The following SEPTIN2 variants were observed in gnomAD, a reference collection of about 807,000 sequenced individuals.
SEPTIN2 encodes septin-2.
Under a neutral mutation model 46.5 loss-of-function variants are expected in SEPTIN2, and 34 were observed. The observed-to-expected ratio is 0.73, with a 90% CI of 0.56 to 0.97. SEPTIN2 has a LOEUF of 0.97. Among genes scored for constraint, SEPTIN2 ranks in the 50% least tolerant of loss-of-function variants. The pLI, the probability that SEPTIN2 is intolerant of heterozygous loss-of-function variation, is 0.00. For missense variants in SEPTIN2, 347 were observed against 448.4 expected (o/e 0.77, Z 2.04); for synonymous variants, 175 against 153.4 (o/e 1.14, Z -1.04).
intron 1 of SEPTIN2, chr2:241,316,952 T>C (rs2076410087): frequency 6.2e-6 from 1 of 162,078 alleles, no homozygotes; most frequent in Non-Finnish European, 1.3e-5. Flanking sequence ...CCAGATGGTA[T>C]TTGTCCAGTG....
intron 3 of SEPTIN2, among the ~76,000 whole-genome samples, chr2:241,332,952 G>A (rs140007623): frequency 1.1e-3 from 160 of 152,344 alleles, no homozygotes; most frequent in African/African-American, 3.6e-3. Context: ...GTGTTTGCCT[G>A]CGGTGGGGAC....
At chr2:241,327,080 C>G (rs942963998) in intron 3 of SEPTIN2, among the ~76,000 whole-genome samples, 2 of 121,360 alleles carry the variant, frequency 1.6e-5, no homozygotes, top group Non-Finnish European at 3.4e-5. Context: ...AAAAAAAAAT[C>G]CAGGCATTTA....
intron 3 of SEPTIN2, among the ~76,000 whole-genome samples, chr2:241,331,094 G>A (rs1008133232): frequency 1.6e-4 from 24 of 152,128 alleles, no homozygotes; most frequent in African/African-American, 4.8e-4. Flanking sequence ...CGGGAGAATC[G>A]CTTGAATCTG....
rs773209423 is a variant in SEPTIN2 at position 241,335,164 on chromosome 2, C to T, written c.169C>T (p.Leu57=). 1.2e-6 allele frequency: 2 copies of T among 1,613,830 alleles called. No homozygotes were observed. The highest frequency in any genetic ancestry group is 1.7e-6 in the Non-Finnish European group (2 of 1,179,826). Residue 57 remains leucine (L), a synonymous_variant, in exon 4 of 13, where the codon CTA becomes TTA. Coordinates refer to ENST00000391971, the MANE Select transcript of SEPTIN2 (RefSeq NM_004404.5). The part of the protein sequence containing the change: ...GLGKSTLINS[L]FLTDLYPERV... ...AGGAAAATCGACTCTCATAAACAGC[C>T]TATTCCTAACTGATCTGTACCCAGA... is the stretch of plus-strand genomic sequence containing the variant.
chr2:241,341,435 C>T (rs1339748085), intron 7 of SEPTIN2, among the ~76,000 whole-genome samples: 1 of 152,154 alleles, frequency 6.6e-6, no homozygotes, highest in Non-Finnish European at 1.5e-5. Context: ...AAAGTGTAAG[C>T]TCCATCTTTA....
At position 241,319,737 on chromosome 2, in the gene SEPTIN2, G is replaced by A. The variant is rs551696177; in HGVS notation, c.-18+3755G>A. 2.6e-4 allele frequency among the ~76,000 whole-genome samples: 40 copies of A among 152,174 alleles called. 1 individual carries two copies. Among genetic ancestry groups the A allele is most frequent in the Admixed American group, 2.6e-3 (40 of 15,274 alleles). ...CTCCCACTTAGCTGGGATTACGGGT[G>A]CCCGCCACCACACCCAGCTAATTTT... On this transcript the variant is annotated intron_variant, in intron 1 of 12. Transcript: ENST00000391971.
chr2:241,320,895 T>G (rs1017664733), intron 1 of SEPTIN2, among the ~76,000 whole-genome samples: 1 of 152,216 alleles, frequency 6.6e-6, no homozygotes, highest in Non-Finnish European at 1.5e-5. Context: ...CTCCTAAGTT[T>G]TGCTTTTATC....
intron 1 of SEPTIN2, among the ~76,000 whole-genome samples, chr2:241,317,252 G>T (rs2076476799): frequency 6.6e-6 from 1 of 152,164 alleles, no homozygotes; most frequent in Non-Finnish European, 1.5e-5. Flanking sequence ...GATGTGTACT[G>T]TTATGTATAA....
In SEPTIN2 at chr2:241,337,406, T is replaced by C. The variant is rs1187133830; in HGVS notation, c.366T>C (p.Ile122=). The part of the protein sequence containing the change: ...RDCFKTIISY[I]DEQFERYLHD... ...GTTTTAAGACAATTATCTCCTATATTGATGAGCAATTTGAGAGGTACCTGC... is the reference window on the plus strand; with the variant it reads ...GTTTTAAGACAATTATCTCCTATATCGATGAGCAATTTGAGAGGTACCTGC... Residue 122 remains isoleucine, a synonymous_variant, in exon 6 of 13, where the codon ATT becomes ATC. Transcript: ENST00000391971. 1.9e-6 allele frequency: 3 copies of C among 1,614,016 alleles called. No individual in the cohort carries two copies. The highest frequency in any genetic ancestry group is 2.2e-5 in the East Asian group (1 of 44,884).
chr2:241,344,831 C>G (rs966766791), intron 9 of SEPTIN2, among the ~76,000 whole-genome samples: 1 of 151,894 alleles, frequency 6.6e-6, no homozygotes, highest in Non-Finnish European at 1.5e-5. Flanking sequence ...TTTGGGAGGC[C>G]CAGGCGGGCG....
intron 7 of SEPTIN2, among the ~76,000 whole-genome samples, chr2:241,338,418 C>T (rs73002111): frequency 0.11 from 16,662 of 150,736 alleles, 1,180 homozygotes; most frequent in Non-Finnish European, 0.15. Flanking sequence ...CTGAACATAC[C>T]GGTACGTGCA....
chr2:241,321,203 C>A (rs1057181603), intron 1 of SEPTIN2, among the ~76,000 whole-genome samples: 1 of 152,154 alleles, frequency 6.6e-6, no homozygotes, highest in Non-Finnish European at 1.5e-5. Context: ...TCTGTCCTTG[C>A]ACATACTGTG....
intron 3 of SEPTIN2, among the ~76,000 whole-genome samples, chr2:241,329,899 A>G (rs2078700691): frequency 6.6e-6 from 1 of 152,386 alleles, no homozygotes; most frequent in Middle Eastern, 3.4e-3. Flanking sequence ...TGCTTGGACC[A>G]GCATAAGCAT....
upstream of SEPTIN2, chr2:241,315,865 CA>C (rs2076083356): frequency 7.0e-6 from 1 of 142,750 alleles, no homozygotes; most frequent in Non-Finnish European, 1.5e-5. Flanking sequence ...CGCGGTGACG[CA>C]ATCCGCCTGC....
chr2:241,345,910 T>C (rs965395722), intron 9 of SEPTIN2, among the ~76,000 whole-genome samples: 1 of 152,218 alleles, frequency 6.6e-6, no homozygotes, highest in African/African-American at 2.4e-5. Flanking sequence ...GCAGTGCCTC[T>C]AGCAGAAATC....
intron 5 of SEPTIN2, 24 bp downstream of exon 5, chr2:241,336,122 T>C (rs1417512910): frequency 6.2e-7 from 1 of 1,610,466 alleles, no homozygotes; most frequent in Non-Finnish European, 8.5e-7. Flanking sequence ...TGCCCAGGGA[T>C]CTGCATTTGT....
At chr2:241,335,077 T>G in intron 3 of SEPTIN2, 49 bp from the exon 4 acceptor site, 1 of 1,287,992 alleles carries the variant, frequency 7.8e-7, no homozygotes, top group Non-Finnish European at 1.1e-6. Context: ...ACCGATTGAA[T>G]GGTGTCATAT....
chr2:241,333,538 C>T (rs1164881936), intron 3 of SEPTIN2, among the ~76,000 whole-genome samples: 5 of 152,202 alleles, frequency 3.3e-5, no homozygotes, highest in Non-Finnish European at 7.3e-5. Flanking sequence ...GAGATGGAGT[C>T]TCGCTCAGTC....
At chr2:241,338,861 A>AT (rs1346129350) in intron 7 of SEPTIN2, among the ~76,000 whole-genome samples, 1 of 95,958 alleles carries the variant, frequency 1.0e-5, no homozygotes, top group Non-Finnish European at 1.8e-5. Context: ...TATATATAAA[A>AT]ATATATATAT....
Sources: gnomAD v4.1 joint callset for allele counts (sites outside exome capture counted in the v4.1 genomes callset) on GRCh38, gnomAD v4.1.1 for gene constraint, MANE v1.5 for transcripts, NCBI Gene and HGNC (gene_info 2026-07-23, HGNC 2026-07-21) for gene names.